The following MYO5B variants were observed in gnomAD, a reference collection of about 807,000 sequenced individuals.
MYO5B encodes unconventional myosin-Vb.
MYO5B carries 143 observed loss-of-function variants against 229.3 expected under a neutral mutation model. The observed-to-expected ratio is 0.62, with a 90% CI of 0.54 to 0.72. The LOEUF (loss-of-function observed/expected upper bound fraction) is 0.72, where lower values mean the gene tolerates loss of function less well. MYO5B is among the 30% of genes least tolerant of loss of function. MYO5B has a pLI of 0.00. For synonymous variants in MYO5B, 918 were observed against 885.2 expected, an observed-to-expected ratio of 1.04 and a Z score of -0.66; for missense variants, 2,321 against 2,331.0, an observed-to-expected ratio of 1.00 and a Z score of 0.09.
intron 2 of MYO5B, among the ~76,000 whole-genome samples, chr18:50,054,536 G>A (rs1017833818): frequency 6.6e-6 from 1 of 152,200 alleles, no homozygotes; most frequent in South Asian, 2.1e-4. Context: ...CATATAGGGT[G>A]AGCATCCATT....
chr18:49,845,184 T>C (rs1179170369), intron 33 of MYO5B, among the ~76,000 whole-genome samples: 4 of 152,208 alleles, frequency 2.6e-5, no homozygotes, highest in Non-Finnish European at 5.9e-5. Context: ...AGATGAAAGG[T>C]TTGTTCCTAA....
intron 1 of MYO5B, among the ~76,000 whole-genome samples, chr18:50,184,405 A>G (rs2033118513): frequency 6.6e-6 from 1 of 152,132 alleles, no homozygotes; most frequent in Admixed American, 6.5e-5. Context: ...AGGACCCTCT[A>G]TATTAGGGCC....
chr18:50,055,225 G>GGCGCCCCCC, intron 2 of MYO5B, 43 bp downstream of exon 2: 1 of 700,376 alleles, frequency 1.4e-6, no homozygotes, highest in Non-Finnish European at 2.7e-6. Flanking sequence ...TGAGCTCCCT[G>GGCGCCCCCC]CCCCACCTCA....
Position 49,825,123 on chromosome 18 carries a change from A to AT in MYO5B, c.*1347dup, listed in dbSNP as rs886053863. ...TGTTCTTCCATGATTTGCAAATACC[A>AT]TTTTTTTCTTATGGGAACAGCATAC... On this transcript the variant is annotated 3_prime_UTR_variant, in exon 40 of 40. Coordinates refer to ENST00000285039, the MANE Select transcript of MYO5B (RefSeq NM_001080467.3). 8 of 152,094 alleles carry AT rather than the reference A, an allele frequency of 5.3e-5. No individual in the cohort carries two copies. The highest frequency in any genetic ancestry group is 1.9e-4 in the East Asian group (1 of 5,192). The allele number at this position is 152,094 out of a possible 1,614,324, so 9.4% of individuals were successfully genotyped here. A position where few individuals can be genotyped will look rare whatever the true frequency, so the allele number is the denominator to read the frequency against.
chr18:50,000,136 C>T (rs944847158), intron 5 of MYO5B, among the ~76,000 whole-genome samples: 8 of 152,184 alleles, frequency 5.3e-5, no homozygotes, highest in Non-Finnish European at 1.2e-4. Flanking sequence ...TTTATGCCTG[C>T]ACTTGGTAAA....
Position 50,194,852 on chromosome 18 carries a change from G to T in MYO5B, c.-59C>A. The T allele has an allele frequency of 8.0e-7, 1 of 1,254,032 alleles. No individual in the cohort carries two copies. The highest frequency in any genetic ancestry group is 1.0e-6 in the Non-Finnish European group (1 of 1,004,050). The allele number at this position is 1,254,032 out of a possible 1,614,324, so 77.7% of individuals were successfully genotyped here. A position where few individuals can be genotyped will look rare whatever the true frequency, so the allele number is the denominator to read the frequency against. On this transcript the variant is annotated 5_prime_UTR_variant, in exon 1 of 40. Transcript: ENST00000285039. ...CTGGCTGCCCCGCGGCTCTCAGTCC[G>T]CGGCTGGCCCGCCTGGCGCCATGTT...
intron 17 of MYO5B, among the ~76,000 whole-genome samples, chr18:49,920,939 G>A (rs1328724309): frequency 2.0e-5 from 3 of 152,156 alleles, no homozygotes; most frequent in African/African-American, 7.2e-5. Context: ...ACACAAAAGA[G>A]CCAGACCCAA....
intron 10 of MYO5B, among the ~76,000 whole-genome samples, chr18:49,970,185 G>A (rs574566673): frequency 4.6e-5 from 7 of 152,160 alleles, no homozygotes; most frequent in Non-Finnish European, 1.0e-4. Context: ...AAGCTGCCAG[G>A]ATCTCCCCTA....
chr18:49,866,388 G>A (rs79177463), intron 27 of MYO5B, among the ~76,000 whole-genome samples: 17 of 152,038 alleles, frequency 1.1e-4, no homozygotes, highest in Non-Finnish European at 2.4e-4. Context: ...CTATTTTTAC[G>A]TGCACAGTTC....
intron 14 of MYO5B, among the ~76,000 whole-genome samples, chr18:49,951,824 G>A (rs1037064975): frequency 2.0e-5 from 3 of 152,166 alleles, no homozygotes; most frequent in Middle Eastern, 3.2e-3. Context: ...GGGGATCCTA[G>A]TGCTCAGAAC....
intron 21 of MYO5B, among the ~76,000 whole-genome samples, 175 bp downstream of exon 21, chr18:49,902,419 G>A (rs1248064060): frequency 6.6e-6 from 1 of 152,182 alleles, no homozygotes; most frequent in Admixed American, 6.5e-5. Context: ...AGGGCTGAGG[G>A]TATCTTTAGG....
intron 30 of MYO5B, among the ~76,000 whole-genome samples, chr18:49,855,569 T>C (rs1314392423): frequency 6.6e-6 from 1 of 152,206 alleles, no homozygotes; most frequent in Non-Finnish European, 1.5e-5. Flanking sequence ...ATGATAGTAA[T>C]AGAAGTAGCA....
chr18:50,128,916 C>A (rs1157996172), intron 1 of MYO5B, among the ~76,000 whole-genome samples: 1 of 152,200 alleles, frequency 6.6e-6, no homozygotes, highest in Non-Finnish European at 1.5e-5. Flanking sequence ...CAGCGGCTGC[C>A]GGCTGGAAAA....
At chr18:49,881,872 T>C (rs898405571) in intron 22 of MYO5B, among the ~76,000 whole-genome samples, 26 of 152,052 alleles carry the variant, frequency 1.7e-4, no homozygotes, top group African/African-American at 6.3e-4. Flanking sequence ...AGAGCAACTA[T>C]TTGTATGGGT....
intron 1 of MYO5B, among the ~76,000 whole-genome samples, chr18:50,151,565 A>G (rs1212965229): frequency 6.6e-6 from 1 of 152,244 alleles, no homozygotes; most frequent in Non-Finnish European, 1.5e-5. Flanking sequence ...GTATGGCTCT[A>G]AGAGTTTCAT....
chr18:50,184,411 G>A (rs2144353537), intron 1 of MYO5B, among the ~76,000 whole-genome samples: 1 of 152,184 alleles, frequency 6.6e-6, no homozygotes, highest in African/African-American at 2.4e-5. Context: ...CTCTATATTA[G>A]GGCCCCTTAT....
rs71169476 is a variant in MYO5B at position 50,077,168 on chromosome 18, T to TA, written c.28-21791dup. Among the ~76,000 whole-genome samples, 652 of 81,212 alleles carry TA rather than the reference T, an allele frequency of 8.0e-3. 6 individuals carry two copies. Among genetic ancestry groups the TA allele is most frequent in the African/African-American group, 0.011 (246 of 22,242 alleles). 53.3% of individuals were successfully genotyped at this position (81,212 alleles called of 152,430 possible). A position where few individuals can be genotyped will look rare whatever the true frequency, so the allele number is the denominator to read the frequency against. ...TTAGGGTTAATTTATTGTGGCAAAG[T>TA]AAAAAAAAAAAAAAAAAAAAAAAAA... On this transcript the variant is annotated intron_variant, in intron 1 of 39. Transcript: ENST00000285039.
intron 16 of MYO5B, among the ~76,000 whole-genome samples, chr18:49,935,505 C>T (rs538488185): frequency 6.6e-6 from 1 of 152,144 alleles, no homozygotes; most frequent in Non-Finnish European, 1.5e-5. Context: ...CCTCTTACTA[C>T]AACAAAGACC....
chr18:50,126,229 AAAAC>A (rs1173928493), intron 1 of MYO5B, among the ~76,000 whole-genome samples: 1 of 152,124 alleles, frequency 6.6e-6, no homozygotes, highest in African/African-American at 2.4e-5. Context: ...TACCATAATA[AAAAC>A]AAACAACCCT....
Sources: gnomAD v4.1 joint callset for allele counts (sites outside exome capture counted in the v4.1 genomes callset) on GRCh38, gnomAD v4.1.1 for gene constraint, MANE v1.5 for transcripts, NCBI Gene and HGNC (gene_info 2026-07-23, HGNC 2026-07-21) for gene names.